The following LRP2 variants were observed in gnomAD, a reference collection of about 807,000 sequenced individuals.
LRP2 encodes LDL receptor related protein 2.
A neutral mutation model predicts 531.0 loss-of-function variants in LRP2; 172 were observed. That is an observed-to-expected ratio of 0.32 (90% CI 0.29 to 0.37). LRP2 has a LOEUF of 0.37. Ranked by LOEUF, LRP2 falls within the 10% of genes least tolerant of loss-of-function variation. LRP2 has a pLI of 1.00. For missense variants in LRP2, 5,167 were observed against 5,868.3 expected (o/e 0.88, Z 3.90); for synonymous variants, 1,992 against 2,027.6 (o/e 0.98, Z 0.47).
chr2:169,304,374 G>A (rs998536074), intron 4 of LRP2, among the ~76,000 whole-genome samples: 2 of 152,070 alleles, frequency 1.3e-5, no homozygotes, highest in African/African-American at 2.4e-5. Context: ...AACAAGTCAC[G>A]CTTCTCTTTG....
In LRP2 at chr2:169,270,927, A is replaced by C. The variant is rs1254588385; in HGVS notation, c.2297T>G (p.Phe766Cys). The C allele has an allele frequency of 6.2e-7, 1 of 1,613,184 alleles. No individual in the cohort carries two copies. Among genetic ancestry groups the C allele is most frequent in the Non-Finnish European group, 8.5e-7 (1 of 1,179,622 alleles). The change falls in exon 16 of 79, where the codon TTT becomes TGT. Residue 766 changes from phenylalanine (F) to cysteine (C), a missense_variant. Around this residue, in one of 6 missense-constraint regions of LRP2, gnomAD observed 2,811 missense variants for 3,058.0 expected, o/e 0.92. Coordinates refer to ENST00000649046, the MANE Select transcript of LRP2 (RefSeq NM_004525.3). ...ACCTGTGCCATCAATCTTTTGCTTA[A>C]AAATCATGTGTTTTGACATATCTGA... ...FFSDMSKHMI[F>C]KQKIDGTGRE...
chr2:169,257,127 C>G lies in LRP2; in HGVS notation c.2636G>C (p.Trp879Ser), dbSNP rs199581227. The G allele has an allele frequency of 7.9e-4, 1,281 of 1,612,576 alleles. 16 individuals carry two copies. The South Asian group carries it at 0.013, about 17-fold the overall frequency. The stretch of plus-strand genomic sequence containing the variant: ...GGGGATGATGATTCCTACTTACGCC[C>G]AATCGATGGCCAAGCCATTGGGCCA... Reference protein sequence around the residue: ...LGWPNGLAIDWAASRLYWVDA... With the variant: ...LGWPNGLAIDSAASRLYWVDA... Residue 879 changes from tryptophan (W) to serine (S), a missense_variant, in exon 18 of 79, where the codon TGG (tryptophan) becomes TCG (serine). This residue lies in a region of LRP2 where 2,811 missense variants were observed against 3,058.0 expected (regional missense o/e 0.92). Coordinates refer to ENST00000649046, the MANE Select transcript of LRP2 (RefSeq NM_004525.3).
At chr2:169,280,091 A>G (rs1683661599) in intron 11 of LRP2, among the ~76,000 whole-genome samples, 1 of 152,192 alleles carries the variant, frequency 6.6e-6, no homozygotes, top group African/African-American at 2.4e-5. Flanking sequence ...AATGTCTACT[A>G]TTTCTTTTAA....
intron 3 of LRP2, among the ~76,000 whole-genome samples, chr2:169,315,511 C>A (rs1002191281): frequency 6.6e-6 from 1 of 152,216 alleles, no homozygotes; most frequent in African/African-American, 2.4e-5. Context: ...CCAGCTTGCA[C>A]GGAGACAAAA....
At chr2:169,203,489 T>C (rs1253315739) in intron 42 of LRP2, among the ~76,000 whole-genome samples, 1 of 152,210 alleles carries the variant, frequency 6.6e-6, no homozygotes, top group Non-Finnish European at 1.5e-5. Flanking sequence ...GGCTGAGTGC[T>C]GTGGCTCACG....
At chr2:169,173,275 C>G in intron 56 of LRP2, 51 bp from the exon 57 acceptor site, 1 of 1,610,780 alleles carries the variant, frequency 6.2e-7, no homozygotes. Flanking sequence ...AAGAAAGCAC[C>G]TTTCCATTGT....
At chr2:169,267,298 A>T (rs551666486) in intron 16 of LRP2, among the ~76,000 whole-genome samples, 47 of 152,282 alleles carry the variant, frequency 3.1e-4, no homozygotes, top group African/African-American at 7.7e-4. Flanking sequence ...TCAACAGAGT[A>T]TACATTCCTC....
At chr2:169,168,777 CTCTTCTTTATTCAT>C in intron 60 of LRP2, 101 bp from the exon 61 acceptor site, 1 of 1,290,002 alleles carries the variant, frequency 7.8e-7, no homozygotes, top group Non-Finnish European at 1.1e-6. Context: ...TTATAGCCTG[CTCTTCTTTATTCAT>C]CAAGATGTAT....
In LRP2 at chr2:169,272,907, G is replaced by C. The variant is rs771306936; in HGVS notation, c.2116+20C>G. 3 of 1,613,466 alleles carry C rather than the reference G, an allele frequency of 1.9e-6. No homozygotes were observed. The highest frequency in any genetic ancestry group is 1.7e-6 in the Non-Finnish European group (2 of 1,179,564). Reference sequence around the variant, plus strand: ...TACACCTGTGTCACCTGCCAACAACGTCCAAAACAGACTTCTTACCAATGC... The same window carrying C: ...TACACCTGTGTCACCTGCCAACAACCTCCAAAACAGACTTCTTACCAATGC... On this transcript the variant is annotated intron_variant, in intron 15 of 78. Transcript: ENST00000649046.
rs1283367229 is a variant in LRP2 at position 169,288,824 on chromosome 2, T to A, written c.1042+202A>T. Among the ~76,000 whole-genome samples, 6 of 152,332 alleles carry A rather than the reference T, an allele frequency of 3.9e-5. 1 individual carries two copies. The highest frequency in any genetic ancestry group is 6.8e-3 in the Middle Eastern group (2 of 294). ...AGTCAACTCGCTCATGACAGAACCA[T>A]TCTTTTGCCTTGTACACCACACCAA... On this transcript the variant is annotated intron_variant, in intron 9 of 78. Transcript: ENST00000649046.
chr2:169,256,534 T>G (rs570463634), intron 18 of LRP2, among the ~76,000 whole-genome samples: 8 of 152,234 alleles, frequency 5.3e-5, no homozygotes, highest in Non-Finnish European at 1.0e-4. Flanking sequence ...GTGGTAGTAA[T>G]CTATGTTTAA....
chr2:169,307,244 G>T, intron 4 of LRP2, 37 bp downstream of exon 4: 1 of 1,401,732 alleles, frequency 7.1e-7, no homozygotes, highest in South Asian at 1.1e-5. Flanking sequence ...GGACAAGGGT[G>T]AAACCAAATA....
chr2:169,148,177 C>T (rs1467826973), intron 68 of LRP2, among the ~76,000 whole-genome samples: 1 of 152,162 alleles, frequency 6.6e-6, no homozygotes, highest in African/African-American at 2.4e-5. Flanking sequence ...GTTTGGTTTT[C>T]ATTAAAAAGG....
chr2:169,257,661 T>C (rs564554489), intron 17 of LRP2, among the ~76,000 whole-genome samples: 139 of 152,176 alleles, frequency 9.1e-4, no homozygotes, highest in Non-Finnish European at 1.6e-3. Context: ...CAGGATCCTC[T>C]AGTCATTCTT....
intron 68 of LRP2, 111 bp downstream of exon 68, chr2:169,150,787 C>A: frequency 7.3e-7 from 1 of 1,376,534 alleles, no homozygotes; most frequent in Non-Finnish European, 1.0e-6. Context: ...CTCCCAAAAA[C>A]TTGAAGGACA....
chr2:169,192,105 GT>G, intron 47 of LRP2, 72 bp from the exon 48 acceptor site: 1 of 1,163,186 alleles, frequency 8.6e-7, no homozygotes, highest in Non-Finnish European at 1.2e-6. Flanking sequence ...TTGCTTTAAT[GT>G]TACTTACCAT....
chr2:169,206,403 T>C lies in LRP2; in HGVS notation c.7317A>G (p.Leu2439=). ...VSDRIYFTQN[L]ASGVGQISYA... ...AGGAAATCTGTCCAACTCCAGAGGC[T>C]AAATTTTGTGTGAAGTAGATTCTAT... is the stretch of plus-strand genomic sequence containing the variant. Residue 2439 remains leucine (L), a synonymous_variant, in exon 39 of 79, where the codon TTA becomes TTG. Transcript: ENST00000649046. The C allele has an allele frequency of 1.9e-6, 3 of 1,614,170 alleles. No homozygotes were observed. Among genetic ancestry groups the C allele is most frequent in the Non-Finnish European group, 2.5e-6 (3 of 1,180,024 alleles).
At chr2:169,176,824 T>C (rs1044265482) in intron 53 of LRP2, among the ~76,000 whole-genome samples, 31 of 152,188 alleles carry the variant, frequency 2.0e-4, no homozygotes, top group African/African-American at 7.0e-4. Flanking sequence ...CTATACCCAC[T>C]GGTGTTTCTG....
chr2:169,156,970 A>C (rs1432402792), intron 64 of LRP2, among the ~76,000 whole-genome samples: 2 of 152,120 alleles, frequency 1.3e-5, no homozygotes, highest in Non-Finnish European at 2.9e-5. Flanking sequence ...ATACCTTACA[A>C]CTCATCTATG....
Sources: allele counts gnomAD v4.1 joint callset (sites outside exome capture counted in the v4.1 genomes callset), GRCh38; gene constraint gnomAD v4.1.1; regional missense constraint gnomAD v4.1.1; transcripts MANE v1.5; gene names NCBI Gene and HGNC (gene_info 2026-07-23, HGNC 2026-07-21).